GLIS3: variants seen among roughly 807,000 people sequenced by gnomAD.
GLIS3 encodes GLIS family zinc finger 3, also known as zinc finger protein GLIS3.
In GLIS3, 53 loss-of-function variants were observed where a neutral mutation model predicts 78.6. That is an observed-to-expected ratio of 0.67 (90% confidence interval 0.54 to 0.85). GLIS3 has a LOEUF of 0.85. GLIS3 is among the 40% of genes least tolerant of loss of function. GLIS3 has a pLI of 0.00. For missense variants in GLIS3, 1,703 were observed against 1,231.1 expected (o/e 1.38, Z -5.74); for synonymous variants, 684 against 509.9 (o/e 1.34, Z -4.60).
chr9:4,145,891 T>C (rs1192601695), intron 2 of GLIS3, among the ~76,000 whole-genome samples: 2 of 152,166 alleles, frequency 1.3e-5, no homozygotes, highest in Admixed American at 1.3e-4. Context: ...TAAGCCTGTA[T>C]GATAAACTAC....
chr9:4,005,323 CCATT>C (rs927229369), intron 4 of GLIS3, among the ~76,000 whole-genome samples: 5 of 152,120 alleles, frequency 3.3e-5, no homozygotes, highest in South Asian at 2.1e-4. Flanking sequence ...GTATGTCCTG[CCATT>C]CATTCATTCA....
At chr9:4,459,432 G>T in the GLIS3 span, among the ~76,000 whole-genome samples, 1 of 152,136 alleles carries the variant, frequency 6.6e-6, no homozygotes, top group African/African-American at 2.4e-5. Flanking sequence ...GAGGTACGAG[G>T]GAAAACGAGA....
chr9:4,242,227 T>G (rs1295293621), intron 2 of GLIS3, among the ~76,000 whole-genome samples: 1 of 152,008 alleles, frequency 6.6e-6, no homozygotes, highest in Non-Finnish European at 1.5e-5. Context: ...ACGCTACCAT[T>G]TATGGTTCCC....
At chr9:4,371,093 G>C in the GLIS3 span, among the ~76,000 whole-genome samples, 2 of 152,074 alleles carry the variant, frequency 1.3e-5, no homozygotes, top group Non-Finnish European at 2.9e-5. Context: ...TCTAATTTTT[G>C]TAATAAGAAA....
At chr9:4,183,869 G>A (rs551451487) in intron 2 of GLIS3, among the ~76,000 whole-genome samples, 17 of 152,140 alleles carry the variant, frequency 1.1e-4, no homozygotes, top group Non-Finnish European at 1.9e-4. Flanking sequence ...GATCCTTAAG[G>A]GCAGAGAACT....
chr9:4,381,477 A>G, the GLIS3 span, among the ~76,000 whole-genome samples: 2 of 152,234 alleles, frequency 1.3e-5, no homozygotes, highest in Non-Finnish European at 2.9e-5. Context: ...GGGTAAATCA[A>G]GTTAACACAG....
the GLIS3 span, among the ~76,000 whole-genome samples, chr9:4,360,492 A>G: frequency 1.3e-5 from 2 of 152,220 alleles, no homozygotes; most frequent in African/African-American, 4.8e-5. Flanking sequence ...ATAACTGCTA[A>G]CATACCTTAA....
chr9:4,387,545 G>T, the GLIS3 span, among the ~76,000 whole-genome samples: 1 of 152,192 alleles, frequency 6.6e-6, no homozygotes, highest in Non-Finnish European at 1.5e-5. Context: ...AGAGAATACA[G>T]TGCAGCAGGG....
chr9:3,947,435 C>G (rs1816377926), intron 4 of GLIS3, among the ~76,000 whole-genome samples: 1 of 152,212 alleles, frequency 6.6e-6, no homozygotes, highest in Non-Finnish European at 1.5e-5. Context: ...AGTCAATTTG[C>G]TTATCATATA....
At position 3,978,113 on chromosome 9, in the gene GLIS3, T is replaced by A. The variant is rs539926455; in HGVS notation, c.1711-40924A>T. ...TTGGGATGAAGGGTGAAGCCCGCTG[T>A]AGAAGTTCCCATTTAACTGTGGACA... On this transcript the variant is annotated intron_variant, in intron 4 of 10. Coordinates refer to ENST00000381971, the MANE Select transcript of GLIS3 (RefSeq NM_001042413.2). 2.8e-4 allele frequency among the ~76,000 whole-genome samples: 42 copies of A among 152,260 alleles called. No individual in the cohort carries two copies. The South Asian group carries it at 7.2e-3, about 26-fold the overall frequency.
chr9:4,175,969 T>C (rs1383449373), intron 2 of GLIS3, among the ~76,000 whole-genome samples: 2 of 152,200 alleles, frequency 1.3e-5, no homozygotes, highest in African/African-American at 2.4e-5. Context: ...TTCTCCTTTT[T>C]CTGAGCTAAT....
chr9:3,966,094 A>G (rs1322639824), intron 4 of GLIS3, among the ~76,000 whole-genome samples: 3 of 152,190 alleles, frequency 2.0e-5, no homozygotes, highest in East Asian at 1.9e-4. Context: ...TCATTCTTAA[A>G]CTTTAATCTA....
chr9:3,886,831 G>A (rs1246523508), intron 7 of GLIS3, among the ~76,000 whole-genome samples: 1 of 152,206 alleles, frequency 6.6e-6, no homozygotes, highest in Admixed American at 6.5e-5. Flanking sequence ...TTGGAAGGCT[G>A]CGTTTGGTAT....
At chr9:3,941,368 T>C (rs941049135) in intron 4 of GLIS3, among the ~76,000 whole-genome samples, 5 of 151,848 alleles carry the variant, frequency 3.3e-5, no homozygotes, top group African/African-American at 1.2e-4. Flanking sequence ...TTTATTTATT[T>C]ATTTATTTTA....
chr9:3,853,360 CCTCTT>C (rs1819553065), intron 9 of GLIS3, among the ~76,000 whole-genome samples: 1 of 120,866 alleles, frequency 8.3e-6, no homozygotes, highest in Non-Finnish European at 2.0e-5. Flanking sequence ...TTTTCTGTAT[CCTCTT>C]GTTCATTATT....
intron 3 of GLIS3, among the ~76,000 whole-genome samples, chr9:4,310,034 T>C (rs182079349): frequency 4.9e-4 from 75 of 152,364 alleles, no homozygotes; most frequent in Admixed American, 4.9e-3. Context: ...TGTTGAAAAC[T>C]ATGACCAATT....
At chr9:4,401,571 C>CTTTTCTTTTTT in the GLIS3 span, among the ~76,000 whole-genome samples, 1,633 of 120,564 alleles carry the variant, frequency 0.014, 38 homozygotes, top group African/African-American at 0.047. Context: ...TCCTTTCTTT[C>CTTTTCTTTTTT]TTTTTTTTTT....
chr9:4,180,123 G>A (rs1424385588), intron 2 of GLIS3, among the ~76,000 whole-genome samples: 1 of 152,112 alleles, frequency 6.6e-6, no homozygotes, highest in Non-Finnish European at 1.5e-5. Flanking sequence ...GGGAGAGTCA[G>A]TGAGGGGCAG....
At chr9:4,363,038 C>T in the GLIS3 span, among the ~76,000 whole-genome samples, 2 of 152,158 alleles carry the variant, frequency 1.3e-5, no homozygotes, top group Admixed American at 1.3e-4. Flanking sequence ...CCATTATTTA[C>T]TCTGTGAATT....
Sources: allele counts gnomAD v4.1 joint callset (sites outside exome capture counted in the v4.1 genomes callset), GRCh38; gene constraint gnomAD v4.1.1; transcripts MANE v1.5; gene names NCBI Gene and HGNC (gene_info 2026-07-23, HGNC 2026-07-21).